Variants in CEP126 observed in about 807,000 individuals in gnomAD.
CEP126 encodes the protein centrosomal protein of 126 kDa.
A neutral mutation model predicts 107.8 loss-of-function variants in CEP126; 74 were observed. That is an observed-to-expected ratio of 0.69 (90% CI 0.57 to 0.83). The LOEUF is 0.83. Ranked by LOEUF, CEP126 falls within the 40% of genes least tolerant of loss-of-function variation. CEP126 has a pLI of 0.00. For synonymous variants in CEP126, 449 were observed against 446.0 expected (o/e 1.01, Z -0.08); for missense variants, 1,237 against 1,281.9 (o/e 0.96, Z 0.53).
At chr11:101,989,939 G>A (rs1212842029) in intron 9 of CEP126, among the ~76,000 whole-genome samples, 2 of 151,282 alleles carry the variant, frequency 1.3e-5, no homozygotes, top group Non-Finnish European at 2.9e-5. Context: ...CAGCCTGGGC[G>A]ACAGAGTGAG....
chr11:101,967,029 T>C (rs938228488), intron 6 of CEP126, among the ~76,000 whole-genome samples: 20 of 145,672 alleles, frequency 1.4e-4, no homozygotes, highest in African/African-American at 3.4e-4. Context: ...TTCTTTCTTT[T>C]TTTTTTTTTT....
intron 8 of CEP126, among the ~76,000 whole-genome samples, chr11:101,985,988 A>ATTTTTTTTTTTTTTTTTTTTT (rs773628925): frequency 4.7e-5 from 6 of 126,458 alleles, no homozygotes; most frequent in African/African-American, 5.9e-5. Context: ...CTCTGAATTG[A>ATTTTTTTTTTTTTTTTTTTTT]TTTCTTTTTT....
At chr11:101,939,199 G>A (rs1940633221) in intron 2 of CEP126, among the ~76,000 whole-genome samples, 1 of 152,074 alleles carries the variant, frequency 6.6e-6, no homozygotes, top group African/African-American at 2.4e-5. Flanking sequence ...TAGGATTGTG[G>A]ATTTGTCCAT....
intron 1 of CEP126, chr11:101,916,117 GTGA>G (rs1377820187): frequency 6.6e-6 from 1 of 152,210 alleles, no homozygotes; most frequent in African/African-American, 2.4e-5. Context: ...AGAGACTGTT[GTGA>G]TGATTAGGAT....
intron 2 of CEP126, among the ~76,000 whole-genome samples, chr11:101,940,969 T>A (rs1940655739): frequency 6.6e-6 from 1 of 152,142 alleles, no homozygotes; most frequent in South Asian, 2.1e-4. Flanking sequence ...GGACATTATG[T>A]TTAGAGACTG....
At chr11:101,987,107 C>T in intron 9 of CEP126, 66 bp downstream of exon 9, 1 of 1,146,848 alleles carries the variant, frequency 8.7e-7, no homozygotes, top group Non-Finnish European at 1.2e-6. Context: ...TTAATTTAAA[C>T]TTTAATTTAA....
At chr11:101,940,085 C>CA (rs555535131) in intron 2 of CEP126, among the ~76,000 whole-genome samples, 93 of 150,806 alleles carry the variant, frequency 6.2e-4, no homozygotes, top group African/African-American at 1.6e-3. Flanking sequence ...TACAATAGTA[C>CA]AAAAAAAAAT....
chr11:101,995,022 CT>C (rs1941426612), intron 10 of CEP126, among the ~76,000 whole-genome samples: 2 of 152,194 alleles, frequency 1.3e-5, no homozygotes, highest in Admixed American at 6.5e-5. Flanking sequence ...TATCTCTCCC[CT>C]AGCCCTCCAC....
intron 9 of CEP126, 136 bp from the exon 10 acceptor site, chr11:101,992,642 G>T: frequency 3.9e-6 from 2 of 510,470 alleles, no homozygotes; most frequent in Non-Finnish European, 6.9e-6. Flanking sequence ...CTATTTCTGG[G>T]GGTGACTGGA....
rs1469492240 is a variant in CEP126, at chr11:101,938,172, A to C, written c.249-6093A>C. 4.2e-5 allele frequency among the ~76,000 whole-genome samples: 6 copies of C among 143,194 alleles called. 1 individual carries two copies. The highest frequency in any genetic ancestry group is 1.3e-4 in the African/African-American group (5 of 37,956). 93.9% of individuals were successfully genotyped at this position (143,194 alleles called of 152,430 possible). ...GAGACTCTGTCTCAAAAAAAAAAAA[A>C]AAAATACAAGAAATTGGTCCATTTT... On this transcript the variant is annotated intron_variant, in intron 2 of 10. Coordinates refer to ENST00000263468, the MANE Select transcript of CEP126 (RefSeq NM_020802.4).
At chr11:101,956,927 A>C (rs1381083716) in intron 4 of CEP126, 3 of 349,016 alleles carry the variant, frequency 8.6e-6, no homozygotes, top group Non-Finnish European at 1.7e-5. Context: ...GAAAGTTGAG[A>C]CACGACAACT....
At chr11:101,980,697 G>A (rs1233701610) in intron 7 of CEP126, among the ~76,000 whole-genome samples, 3 of 152,128 alleles carry the variant, frequency 2.0e-5, no homozygotes, top group Non-Finnish European at 4.4e-5. Context: ...AGTGGCCCTT[G>A]TCACCTTGTA....
intron 6 of CEP126, among the ~76,000 whole-genome samples, chr11:101,970,198 C>G (rs188921765): frequency 1.3e-5 from 2 of 152,208 alleles, no homozygotes; most frequent in East Asian, 3.9e-4. Flanking sequence ...ATATAAAGAA[C>G]CCAAAATGTT....
intron 1 of CEP126, chr11:101,916,125 T>C (rs1330931993): frequency 6.6e-6 from 1 of 152,246 alleles, no homozygotes; most frequent in Non-Finnish European, 1.5e-5. Flanking sequence ...TTGTGATGAT[T>C]AGGATTTAAC....
In CEP126 at chr11:101,963,420, A is replaced by G; in HGVS notation, c.2385A>G (p.Gly795=). Reference sequence around the variant, plus strand: ...TCAACATATTTACACAAGCTCAGGGAAAATTAATTATACCTTGTCCTCCTC... The same window carrying G: ...TCAACATATTTACACAAGCTCAGGGGAAATTAATTATACCTTGTCCTCCTC... ...SKVNIFTQAQ[G]KLIIPCPPPQ... Residue 795 remains glycine (G), a synonymous_variant, in exon 6 of 11, where the codon GGA becomes GGG. Transcript: ENST00000263468. 3 of 1,614,158 alleles carry G rather than the reference A, an allele frequency of 1.9e-6. No homozygotes were observed. The highest frequency in any genetic ancestry group is 1.7e-6 in the Non-Finnish European group (2 of 1,180,014).
Position 101,962,167 on chromosome 11 carries a change from G to C in CEP126, c.1132G>C (p.Val378Leu), listed in dbSNP as rs1940984124. 2 of 1,613,646 alleles carry C rather than the reference G, an allele frequency of 1.2e-6. No individual in the cohort carries two copies. Among genetic ancestry groups the C allele is most frequent in the African/African-American group, 2.7e-5 (2 of 74,998 alleles). ...CTTTGTATCTAGCCCACCCATGTTTGTACTAGATAAAAAATGTGAAAAGAC... is the reference window on the plus strand; with the variant it reads ...CTTTGTATCTAGCCCACCCATGTTTCTACTAGATAAAAAATGTGAAAAGAC... ...VPFVSSPPMF[V>L]LDKKCEKTSE... The change falls in exon 6 of 11, where the codon GTA becomes CTA. Residue 378 changes from valine (V) to leucine (L), a missense_variant. Val to Leu is a conservative substitution (Grantham distance 32). Transcript: ENST00000263468.
At chr11:101,954,452 G>A (rs1354586929) in intron 4 of CEP126, among the ~76,000 whole-genome samples, 1 of 152,156 alleles carries the variant, frequency 6.6e-6, no homozygotes, top group East Asian at 1.9e-4. Context: ...TGCTTTCCCT[G>A]CAGCAAACAT....
chr11:101,970,010 A>T (rs1321910990), intron 6 of CEP126, among the ~76,000 whole-genome samples: 2 of 152,240 alleles, frequency 1.3e-5, no homozygotes, highest in Non-Finnish European at 2.9e-5. Context: ...TAGGATGGAC[A>T]GCAATTTCTT....
At chr11:101,975,740 C>A (rs1941185734) in intron 6 of CEP126, among the ~76,000 whole-genome samples, 1 of 152,136 alleles carries the variant, frequency 6.6e-6, no homozygotes, top group Non-Finnish European at 1.5e-5. Flanking sequence ...GTCCTCCCAC[C>A]CTGCACCCTG....
Sources: gnomAD v4.1 joint callset for allele counts (sites outside exome capture counted in the v4.1 genomes callset) on GRCh38, gnomAD v4.1.1 for gene constraint, MANE v1.5 for transcripts, NCBI Gene and HGNC (gene_info 2026-07-23, HGNC 2026-07-21) for gene names.